The following RFXANK variants were observed in gnomAD, a reference collection of about 807,000 sequenced individuals.
The protein encoded by RFXANK is DNA-binding protein RFXANK.
A neutral mutation model predicts 34.5 loss-of-function variants in RFXANK; 19 were observed. The ratio of observed to expected loss-of-function variants is 0.55; its 90% CI spans 0.38 to 0.81. The LOEUF is 0.81. Among genes scored for constraint, RFXANK ranks in the 30% least tolerant of loss-of-function variants. RFXANK has a pLI of 0.00. For missense variants in RFXANK, 295 were observed against 343.5 expected (o/e 0.86, Z 1.12); for synonymous variants, 154 against 149.8 (o/e 1.03, Z -0.20).
chr19:19,199,301 C>G, intron 9 of RFXANK, 67 bp downstream of exon 9: 1 of 1,413,226 alleles, frequency 7.1e-7, no homozygotes, highest in Non-Finnish European at 1.0e-6. Context: ...TAAAGGGGTA[C>G]ATGGGACACC....
At chr19:19,195,252 TCCCTCCCCTC>T (rs1387645397) in intron 3 of RFXANK, among the ~76,000 whole-genome samples, 1 of 130,150 alleles carries the variant, frequency 7.7e-6, no homozygotes, top group Non-Finnish European at 1.6e-5. Flanking sequence ...TTGCCCAGGC[TCCCTCCCCTC>T]CCCTCGCCTC....
chr19:19,200,788 ATTTTTTT>A (rs71170606), intron 9 of RFXANK: 33,958 of 84,054 alleles, frequency 0.4, 6,748 homozygotes, highest in Middle Eastern at 0.49. Flanking sequence ...CACCTGGCTA[ATTTTTTT>A]TTTTTTTTTT....
chr19:19,201,540 TCTGCAAGGGTCC>T (rs1401832202), intron 9 of RFXANK, 97 bp from the exon 10 acceptor site: 1 of 1,604,540 alleles, frequency 6.2e-7, no homozygotes, highest in Non-Finnish European at 8.5e-7. Context: ...AATGCAGGTC[TCTGCAAGGGTCC>T]CTGTTTGTCC....
Position 19,193,983 on chromosome 19 carries a change from A to G in RFXANK, c.37A>G (p.Thr13Ala). The G allele has an allele frequency of 6.2e-7, 1 of 1,614,112 alleles. No individual in the cohort carries two copies. Among genetic ancestry groups the G allele is most frequent in the Non-Finnish European group, 8.5e-7 (1 of 1,180,024 alleles). The change falls in exon 3 of 10, where the codon ACC becomes GCC. Residue 13 changes from threonine (T) to alanine (A), a missense_variant. Coordinates refer to ENST00000303088, the MANE Select transcript of RFXANK (RefSeq NM_003721.4). The stretch of plus-strand genomic sequence containing the variant: ...CCAGCCTGCAGAAGACCTCATCCAG[A>G]CCCAGCAGACCCCTGCCTCAGAACT... The part of the protein sequence containing the change: ...LTQPAEDLIQ[T>A]QQTPASELGD...
At chr19:19,198,084 A>G in intron 6 of RFXANK, 23 bp from the exon 7 acceptor site, 1 of 1,612,392 alleles carries the variant, frequency 6.2e-7, no homozygotes. Context: ...CCATCCTACC[A>G]CTGTCCCTTC....
chr19:19,197,728 G>A (rs1042528569), intron 6 of RFXANK, 107 bp downstream of exon 6: 2 of 1,030,438 alleles, frequency 1.9e-6, no homozygotes, highest in Admixed American at 2.0e-5. Context: ...GCGGCTGCTG[G>A]CTGGGTGCAG....
At chr19:19,197,744 C>CA (rs1284399466) in intron 6 of RFXANK, 123 bp downstream of exon 6, 45 of 902,908 alleles carry the variant, frequency 5.0e-5, no homozygotes, top group Non-Finnish European at 5.2e-6. Context: ...TGCAGTGGCT[C>CA]ATGCCTGTAA....
chr19:19,193,412 C>CTTTTTTTTTTTTT (rs71338310), intron 2 of RFXANK, among the ~76,000 whole-genome samples: 2 of 94,820 alleles, frequency 2.1e-5, no homozygotes, highest in Admixed American at 1.3e-4. Context: ...TTTTTCCTTT[C>CTTTTTTTTTTTTT]TTTTTTTTTT....
chr19:19,194,073 T>C lies in RFXANK; in HGVS notation c.127T>C (p.Phe43Leu). Residue 43 changes from phenylalanine (F) to leucine (L), a missense_variant, in exon 3 of 10, where the codon TTT becomes CTT. Phe to Leu is a conservative substitution (Grantham distance 22, BLOSUM62 0). Transcript: ENST00000303088. ...CTCAGACACTGTGGTCCTCAGTCTC[T>C]TTCCCTGCACCCCTGAGCCTGTGAA... The part of the protein sequence containing the change: ...DGSDTVVLSL[F>L]PCTPEPVNPE... 1 of 1,614,158 alleles carries C rather than the reference T, an allele frequency of 6.2e-7. No homozygotes were observed. Among genetic ancestry groups the C allele is most frequent in the Non-Finnish European group, 8.5e-7 (1 of 1,180,008 alleles).
Position 19,199,054 on chromosome 19 carries a change from A to G in RFXANK, c.632-100A>G, listed in dbSNP as rs532104760. The G allele has an allele frequency of 4.1e-5, 48 of 1,180,638 alleles. No homozygotes were observed. In the African/African-American group the frequency reaches 5.8e-4, roughly 14 times the overall value. 73.1% of individuals were successfully genotyped at this position (1,180,638 alleles called of 1,614,324 possible). On this transcript the variant is annotated intron_variant, in intron 8 of 9. Transcript: ENST00000303088. ...GGGCAACGGGCAGACCCACGGCTGC[A>G]TTGTGGGGAATGAGGGGTGCCATGG...
At chr19:19,196,851 G>C in intron 3 of RFXANK, 112 bp from the exon 4 acceptor site, 1 of 975,574 alleles carries the variant, frequency 1.0e-6, no homozygotes, top group Non-Finnish European at 1.6e-6. Flanking sequence ...GGGGACAGAC[G>C]GAGACTCCAT....
chr19:19,200,788 A>ATTTTTTTTTTTT (rs71170606), intron 9 of RFXANK: 1 of 84,560 alleles, frequency 1.2e-5, no homozygotes, highest in African/African-American at 5.8e-5. Flanking sequence ...CACCTGGCTA[A>ATTTTTTTTTTTT]TTTTTTTTTT....
chr19:19,200,321 G>A (rs1216278836), intron 9 of RFXANK, among the ~76,000 whole-genome samples: 1 of 151,784 alleles, frequency 6.6e-6, no homozygotes, highest in African/African-American at 2.4e-5. Context: ...GGGACCACAG[G>A]TGCACACCAT....
intron 9 of RFXANK, among the ~76,000 whole-genome samples, chr19:19,200,111 C>A (rs1027457043): frequency 6.6e-6 from 1 of 151,980 alleles, no homozygotes; most frequent in African/African-American, 2.4e-5. Context: ...CCTCCCACCA[C>A]AGCCTCCCGA....
At chr19:19,194,203 C>A in intron 3 of RFXANK, 70 bp downstream of exon 3, 1 of 1,486,218 alleles carries the variant, frequency 6.7e-7, no homozygotes, top group South Asian at 1.1e-5. Context: ...TCACATGGAA[C>A]CTGTGTCTTG....
chr19:19,194,242 T>C, intron 3 of RFXANK, 109 bp downstream of exon 3: 2 of 1,281,966 alleles, frequency 1.6e-6, no homozygotes, highest in Non-Finnish European at 2.2e-6. Flanking sequence ...TTTGTTTTGT[T>C]GTTTTTTGAG....
At chr19:19,198,833 G>T in intron 8 of RFXANK, 110 bp downstream of exon 8, 3 of 1,100,526 alleles carry the variant, frequency 2.7e-6, no homozygotes, top group Non-Finnish European at 1.4e-6. Context: ...TCTTGGAGCA[G>T]GTAGTCCCTG....
rs2060495780 is a variant in RFXANK, at chr19:19,192,298, GAGGC to G, written c.-404_-401del. Reference sequence around the variant, plus strand: ...AGGGGCTGTGTGAGACGCAGGGAAGGAGGCACACCCGGGGGTGGCGCAGTGAGGA... The same window carrying G: ...AGGGGCTGTGTGAGACGCAGGGAAGGACACCCGGGGGTGGCGCAGTGAGGA... On this transcript the variant is annotated 5_prime_UTR_variant, in exon 1 of 10. Coordinates refer to ENST00000303088, the MANE Select transcript of RFXANK (RefSeq NM_003721.4). 1.3e-6 allele frequency: 1 copy of G among 782,496 alleles called. No homozygotes were observed. Among genetic ancestry groups the G allele is most frequent in the African/African-American group, 1.7e-5 (1 of 57,152 alleles). The allele number at this position is 782,496 out of a possible 1,614,324, so 48.5% of individuals were successfully genotyped here.
rs576976103 is a variant in RFXANK at position 19,193,456 on chromosome 19, T to A, written c.-9+356T>A. Among the ~76,000 whole-genome samples the A allele has an allele frequency of 2.2e-3, 327 of 145,498 alleles. 4 individuals carry two copies. In the South Asian group the frequency reaches 0.044, roughly 19 times the overall value. On this transcript the variant is annotated intron_variant, in intron 2 of 9. Transcript: ENST00000303088. ...TTTTTTGAGACAGAGTCTTGCTCTG[T>A]CGCCCCAGCTACAGTGCAGTGGTGC...
Sources: gnomAD v4.1 joint callset for allele counts (sites outside exome capture counted in the v4.1 genomes callset) on GRCh38, gnomAD v4.1.1 for gene constraint, MANE v1.5 for transcripts, NCBI Gene and HGNC (gene_info 2026-07-23, HGNC 2026-07-21) for gene names.